The following RAB27B variants were observed in gnomAD, a reference collection of about 807,000 sequenced individuals.
RAB27B encodes the protein ras-related protein Rab-27B.
Under a neutral mutation model 24.6 loss-of-function variants are expected in RAB27B, and 15 were observed. That is an observed-to-expected ratio of 0.61 (90% confidence interval 0.41 to 0.94). The LOEUF (loss-of-function observed/expected upper bound fraction) is 0.94. RAB27B is among the 40% of genes least tolerant of loss of function. The pLI, the probability that RAB27B is intolerant of heterozygous loss-of-function variation, is 0.00. For missense variants in RAB27B, 261 were observed against 266.8 expected, an observed-to-expected ratio of 0.98 and a Z score of 0.15; for synonymous variants, 105 against 92.5, an observed-to-expected ratio of 1.14 and a Z score of -0.78.
chr18:54,794,570 C>T (rs1909354480), intron 2 of RAB27B, among the ~76,000 whole-genome samples: 1 of 152,162 alleles, frequency 6.6e-6, no homozygotes, highest in Admixed American at 6.5e-5. Flanking sequence ...ACAGAGATCA[C>T]ATACTGATGT....
intron 2 of RAB27B, among the ~76,000 whole-genome samples, chr18:54,732,320 T>C (rs2144993624): frequency 6.6e-6 from 1 of 152,362 alleles, no homozygotes; most frequent in African/African-American, 2.4e-5. Flanking sequence ...GTTTATTTCT[T>C]TCAATAATAC....
chr18:54,800,366 G>A (rs1909562192), intron 2 of RAB27B, among the ~76,000 whole-genome samples: 1 of 152,068 alleles, frequency 6.6e-6, no homozygotes, highest in Non-Finnish European at 1.5e-5. Flanking sequence ...ATGAAAGAAC[G>A]CATACATTTT....
At chr18:54,871,913 C>G (rs1912485818) in intron 1 of RAB27B, among the ~76,000 whole-genome samples, 1 of 150,374 alleles carries the variant, frequency 6.7e-6, no homozygotes, top group Non-Finnish European at 1.5e-5. Flanking sequence ...GTTAAAGTCA[C>G]AGGTTCATAG....
At chr18:54,809,533 G>A (rs1487751548) in intron 2 of RAB27B, among the ~76,000 whole-genome samples, 1 of 152,176 alleles carries the variant, frequency 6.6e-6, no homozygotes, top group Non-Finnish European at 1.5e-5. Flanking sequence ...TCCACAGATG[G>A]GTGAGCAAGA....
intron 2 of RAB27B, among the ~76,000 whole-genome samples, chr18:54,810,960 T>C (rs4393653): frequency 0.51 from 77,940 of 151,806 alleles, 20,643 homozygotes; most frequent in African/African-American, 0.62. Context: ...ATGAATTCTG[T>C]TGTTAAATTA....
chr18:54,817,740 A>C (rs1910164353), intron 2 of RAB27B, among the ~76,000 whole-genome samples: 1 of 151,868 alleles, frequency 6.6e-6, no homozygotes, highest in South Asian at 2.1e-4. Flanking sequence ...CAGTCAGTGT[A>C]GTGAACCTAG....
chr18:54,887,655 GA>G (rs1263425139), intron 4 of RAB27B, among the ~76,000 whole-genome samples: 1 of 152,022 alleles, frequency 6.6e-6, no homozygotes. Context: ...CCTTAAGCAA[GA>G]ACAGCGCATG....
chr18:54,741,565 C>A (rs2145011165), intron 2 of RAB27B, among the ~76,000 whole-genome samples: 1 of 152,240 alleles, frequency 6.6e-6, no homozygotes, highest in Non-Finnish European at 1.5e-5. Flanking sequence ...ACAATCTCAG[C>A]TCACTACAAC....
Position 54,782,100 on chromosome 18 carries a change from C to A in RAB27B, c.-20+63959C>A, listed in dbSNP as rs72922777. Among the ~76,000 whole-genome samples, 650 of 152,276 alleles carry A rather than the reference C, an allele frequency of 4.3e-3. 6 individuals are homozygous for A. The highest frequency in any genetic ancestry group is 0.012 in the Admixed American group (181 of 15,302). On this transcript the variant is annotated intron_variant, in intron 2 of 4. Transcript: ENST00000586570. ...AAATTATTTACTCTTGGCTATCATG[C>A]CTGGCAATAGTTAACATTCCATTGT...
At chr18:54,720,919 A>G (rs925102485) in intron 2 of RAB27B, among the ~76,000 whole-genome samples, 1 of 152,126 alleles carries the variant, frequency 6.6e-6, no homozygotes, top group East Asian at 1.9e-4. Context: ...TTTTCCCATT[A>G]TGATTTCCCC....
At chr18:54,762,245 A>G (rs1339678123) in intron 2 of RAB27B, among the ~76,000 whole-genome samples, 3 of 152,162 alleles carry the variant, frequency 2.0e-5, no homozygotes, top group Admixed American at 6.5e-5. Flanking sequence ...GCTGGAGTGC[A>G]GTGGCACCAT....
chr18:54,760,892 C>T (rs935019242), intron 2 of RAB27B, among the ~76,000 whole-genome samples: 1 of 151,756 alleles, frequency 6.6e-6, no homozygotes, highest in Non-Finnish European at 1.5e-5. Flanking sequence ...GAATAATACT[C>T]TTAGGAAATG....
intron 1 of RAB27B, among the ~76,000 whole-genome samples, chr18:54,861,072 A>G (rs1390969994): frequency 6.6e-6 from 1 of 152,188 alleles, no homozygotes; most frequent in Non-Finnish European, 1.5e-5. Context: ...CATAGATGCT[A>G]TCTAATTCAA....
intron 1 of RAB27B, among the ~76,000 whole-genome samples, chr18:54,853,230 T>C (rs1291909970): frequency 1.3e-5 from 2 of 152,186 alleles, no homozygotes; most frequent in Admixed American, 1.3e-4. Flanking sequence ...CAATTATGAG[T>C]CAGAGACCAT....
At chr18:54,778,589 GTCC>G (rs1302207825) in intron 2 of RAB27B, among the ~76,000 whole-genome samples, 5 of 152,204 alleles carry the variant, frequency 3.3e-5, no homozygotes, top group Non-Finnish European at 7.3e-5. Context: ...GAATGATTCT[GTCC>G]TCCTGGAGTA....
chr18:54,840,924 G>A (rs917172172), intron 1 of RAB27B, among the ~76,000 whole-genome samples: 5 of 151,996 alleles, frequency 3.3e-5, no homozygotes, highest in Admixed American at 6.6e-5. Context: ...TGAGGCAGGC[G>A]GATCATGAGG....
intron 2 of RAB27B, among the ~76,000 whole-genome samples, chr18:54,771,286 T>C (rs1357200835): frequency 6.6e-6 from 1 of 152,214 alleles, no homozygotes; most frequent in Non-Finnish European, 1.5e-5. Flanking sequence ...GTTTAATGTA[T>C]ACAATTTGGT....
At chr18:54,734,532 C>T (rs1568046222) in intron 2 of RAB27B, among the ~76,000 whole-genome samples, 1 of 151,514 alleles carries the variant, frequency 6.6e-6, no homozygotes, top group Non-Finnish European at 1.5e-5. Context: ...CAGTAAAATC[C>T]TCCCATAGGT....
intron 3 of RAB27B, among the ~76,000 whole-genome samples, chr18:54,880,968 G>A (rs1912900271): frequency 6.6e-6 from 1 of 152,168 alleles, no homozygotes; most frequent in Admixed American, 6.6e-5. Context: ...ACATCTGGCT[G>A]TGCAATCCAT....
Sources: gnomAD v4.1 joint callset for allele counts (sites outside exome capture counted in the v4.1 genomes callset) on GRCh38, gnomAD v4.1.1 for gene constraint, MANE v1.5 for transcripts, NCBI Gene and HGNC (gene_info 2026-07-23, HGNC 2026-07-21) for gene names.